Variants in CLYBL observed in about 807,000 individuals in gnomAD.
The protein encoded by CLYBL is citramalyl-CoA lyase.
CLYBL carries 31 observed loss-of-function variants against 38.9 expected under a neutral mutation model. The ratio of observed to expected loss-of-function variants is 0.80; its 90% CI spans 0.60 to 1.08. The LOEUF (loss-of-function observed/expected upper bound fraction) is 1.08. CLYBL is among the 50% of genes least tolerant of loss of function. CLYBL has a pLI of 0.00. For missense variants in CLYBL, 434 were observed against 411.6 expected (o/e 1.05, Z -0.47); for synonymous variants, 171 against 158.6 (o/e 1.08, Z -0.59).
At chr13:99,616,440 T>G (rs2046712079) in intron 1 of CLYBL, among the ~76,000 whole-genome samples, 1 of 152,186 alleles carries the variant, frequency 6.6e-6, no homozygotes, top group African/African-American at 2.4e-5. Context: ...CAGTTGTTCA[T>G]TTAGTCTGTT....
intron 1 of CLYBL, among the ~76,000 whole-genome samples, chr13:99,615,857 G>T (rs1037994634): frequency 6.6e-6 from 1 of 151,922 alleles, no homozygotes; most frequent in African/African-American, 2.4e-5. Context: ...ATTTTGAAAC[G>T]GAGTCTCACT....
chr13:99,709,920 T>A (rs1460934958), intron 1 of CLYBL, among the ~76,000 whole-genome samples: 3 of 124,274 alleles, frequency 2.4e-5, no homozygotes, highest in Non-Finnish European at 5.1e-5. Flanking sequence ...TTTTTCTTTC[T>A]TTCTTTTTTT....
intron 2 of CLYBL, among the ~76,000 whole-genome samples, chr13:99,850,743 T>C (rs1022957715): frequency 6.6e-6 from 1 of 152,194 alleles, no homozygotes; most frequent in Non-Finnish European, 1.5e-5. Flanking sequence ...ATAGCAGCAT[T>C]ATTCACAATA....
intron 1 of CLYBL, among the ~76,000 whole-genome samples, chr13:99,755,964 AAGAATTCTATGTTC>A (rs1188599158): frequency 6.6e-6 from 1 of 152,146 alleles, no homozygotes; most frequent in African/African-American, 2.4e-5. Flanking sequence ...TCTGCCTCCT[AAGAATTCTATGTTC>A]AGACCCTTAA....
intron 1 of CLYBL, among the ~76,000 whole-genome samples, chr13:99,697,581 G>C (rs1240307903): frequency 2.7e-5 from 4 of 150,896 alleles, no homozygotes; most frequent in Admixed American, 6.6e-5. Flanking sequence ...TGTTGGCCAG[G>C]CTGAGTGATC....
At chr13:99,626,890 A>G (rs913200823) in intron 1 of CLYBL, among the ~76,000 whole-genome samples, 1 of 151,374 alleles carries the variant, frequency 6.6e-6, no homozygotes, top group African/African-American at 2.4e-5. Flanking sequence ...GTTACAAAGA[A>G]TTTATATATT....
intron 1 of CLYBL, among the ~76,000 whole-genome samples, chr13:99,646,565 G>T (rs1283514657): frequency 1.4e-5 from 2 of 147,360 alleles, no homozygotes; most frequent in Non-Finnish European, 3.0e-5. Flanking sequence ...CCCGGCTGGA[G>T]TGCAGTGGCG....
At chr13:99,802,903 C>T (rs113961662) in intron 2 of CLYBL, among the ~76,000 whole-genome samples, 6 of 152,126 alleles carry the variant, frequency 3.9e-5, no homozygotes, top group Admixed American at 1.3e-4. Context: ...ACACGTACAG[C>T]GCTTACCGTT....
chr13:99,777,025 G>A (rs1160168470), intron 2 of CLYBL, among the ~76,000 whole-genome samples: 1 of 151,952 alleles, frequency 6.6e-6, no homozygotes, highest in African/African-American at 2.4e-5. Flanking sequence ...GATTACAGGT[G>A]TGTACCACCG....
At chr13:99,629,899 C>T (rs2046919672) in intron 1 of CLYBL, among the ~76,000 whole-genome samples, 1 of 152,168 alleles carries the variant, frequency 6.6e-6, no homozygotes, top group Admixed American at 6.6e-5. Flanking sequence ...AGTGTTCTAG[C>T]GCCTCTCCTT....
At chr13:99,743,819 A>T (rs923469912) in intron 1 of CLYBL, among the ~76,000 whole-genome samples, 1 of 152,172 alleles carries the variant, frequency 6.6e-6, no homozygotes, top group Non-Finnish European at 1.5e-5. Flanking sequence ...TTGTAATTAC[A>T]ATATTGGTAT....
chr13:99,724,367 A>G (rs1371514405), intron 1 of CLYBL, among the ~76,000 whole-genome samples: 1 of 152,086 alleles, frequency 6.6e-6, no homozygotes, highest in Non-Finnish European at 1.5e-5. Flanking sequence ...GTAAAATATA[A>G]TCTTGCATAT....
At chr13:99,714,392 G>T (rs2048281148) in intron 1 of CLYBL, among the ~76,000 whole-genome samples, 1 of 152,016 alleles carries the variant, frequency 6.6e-6, no homozygotes, top group South Asian at 2.1e-4. Context: ...CGAGGTGGGC[G>T]GATCACCTGA....
intron 2 of CLYBL, among the ~76,000 whole-genome samples, chr13:99,798,285 C>G (rs1045325443): frequency 6.6e-6 from 1 of 152,118 alleles, no homozygotes; most frequent in African/African-American, 2.4e-5. Context: ...AGAATGAAGA[C>G]CAAAAGACAA....
chr13:99,625,935 G>T (rs998006772), intron 1 of CLYBL, among the ~76,000 whole-genome samples: 1 of 152,186 alleles, frequency 6.6e-6, no homozygotes, highest in Non-Finnish European at 1.5e-5. Flanking sequence ...TGAGATACGG[G>T]CTCCTTTTGC....
At chr13:99,899,893 C>T (rs1476356899), downstream of CLYBL, among the ~76,000 whole-genome samples, 1 of 152,062 alleles carries the variant, frequency 6.6e-6, no homozygotes, top group Non-Finnish European at 1.5e-5. Context: ...CATTTCTACG[C>T]AGCGAACCCC....
chr13:99,853,112 C>T (rs1167386798), intron 2 of CLYBL, among the ~76,000 whole-genome samples: 3 of 152,166 alleles, frequency 2.0e-5, no homozygotes, highest in East Asian at 3.9e-4. Context: ...GACTCAAAGC[C>T]ATTGTTCTAA....
At chr13:99,758,661 G>A (rs971678443) in intron 1 of CLYBL, among the ~76,000 whole-genome samples, 6 of 152,182 alleles carry the variant, frequency 3.9e-5, no homozygotes, top group Admixed American at 1.3e-4. Context: ...GGTGACTGCC[G>A]TGACTGGGCT....
intron 1 of CLYBL, among the ~76,000 whole-genome samples, chr13:99,620,477 C>T (rs7336931): frequency 6.6e-4 from 101 of 152,260 alleles, no homozygotes; most frequent in African/African-American, 2.2e-3. Context: ...AAGTGCTATA[C>T]ATTTTAAGAA....
Sources: allele counts gnomAD v4.1 joint callset (sites outside exome capture counted in the v4.1 genomes callset), GRCh38; gene constraint gnomAD v4.1.1; transcripts MANE v1.5; gene names NCBI Gene and HGNC (gene_info 2026-07-23, HGNC 2026-07-21).